The following PCSK1 variants were observed in gnomAD, a reference collection of about 807,000 sequenced individuals.
PCSK1 encodes neuroendocrine convertase 1.
A neutral mutation model predicts 90.6 loss-of-function variants in PCSK1; 56 were observed. The observed-to-expected ratio is 0.62, with a 90% CI of 0.50 to 0.77. The LOEUF (loss-of-function observed/expected upper bound fraction) is 0.77, where lower values mean the gene tolerates loss of function less well. Ranked by LOEUF, PCSK1 falls within the 30% of genes least tolerant of loss-of-function variation. The pLI, the probability that PCSK1 is intolerant of heterozygous loss-of-function variation, is 0.00. For synonymous variants in PCSK1, 348 were observed against 342.4 expected (o/e 1.02, Z -0.18); for missense variants, 801 against 932.6 (o/e 0.86, Z 1.84).
At chr5:96,395,293 C>A (rs572940837) in intron 12 of PCSK1, among the ~76,000 whole-genome samples, 1 of 152,288 alleles carries the variant, frequency 6.6e-6, no homozygotes, top group East Asian at 1.9e-4. Context: ...TGGATGTGTT[C>A]TTGGAAAGCT....
chr5:96,415,980 G>A (rs551461193), intron 6 of PCSK1, 53 bp downstream of exon 6: 38 of 1,089,626 alleles, frequency 3.5e-5, no homozygotes, highest in Non-Finnish European at 5.1e-5. Flanking sequence ...TACAATGGGT[G>A]ATGTAAGCTT....
rs1424960207 is a variant in PCSK1 at position 96,391,851 on chromosome 5, A to T, written c.*1150T>A. The T allele has an allele frequency of 6.6e-6, 1 of 152,172 alleles. No individual in the cohort carries two copies. The highest frequency in any genetic ancestry group is 1.5e-5 in the Non-Finnish European group (1 of 68,042). The allele number at this position is 152,172 out of a possible 1,614,324, so 9.4% of individuals were successfully genotyped here. A position where few individuals can be genotyped will look rare whatever the true frequency, so the allele number is the denominator to read the frequency against. ...ACATTCTGCATACCAAACAAAATCT[A>T]CCTGAGGGACAATTAAGGTCCATGG... On this transcript the variant is annotated 3_prime_UTR_variant, in exon 14 of 14. Transcript: ENST00000311106.
chr5:96,414,334 C>T (rs576387562), intron 6 of PCSK1, among the ~76,000 whole-genome samples: 1 of 152,208 alleles, frequency 6.6e-6, no homozygotes, highest in African/African-American at 2.4e-5. Context: ...ACCTTACAAC[C>T]ACCATTTGAG....
At chr5:96,424,443 T>C (rs1453729489) in intron 3 of PCSK1, among the ~76,000 whole-genome samples, 1 of 152,232 alleles carries the variant, frequency 6.6e-6, no homozygotes, top group Admixed American at 6.5e-5. Context: ...TCGTGAATTA[T>C]AGTCCCACCA....
At chr5:96,430,337 A>G (rs1361958822) in intron 1 of PCSK1, among the ~76,000 whole-genome samples, 2 of 152,238 alleles carry the variant, frequency 1.3e-5, no homozygotes, top group African/African-American at 4.8e-5. Flanking sequence ...CAAACAGTTG[A>G]CAACAGTATA....
rs1442663196 is a variant in PCSK1, at chr5:96,391,703, A to C, written c.*1298T>G. On this transcript the variant is annotated 3_prime_UTR_variant, in exon 14 of 14. Transcript: ENST00000311106. ...ATGGAGCAGGGTGCCATGGGGACTG[A>C]GAGTCATCTAATCAGGCAGCTGCTA... is the stretch of plus-strand genomic sequence containing the variant. 6.6e-6 allele frequency: 1 copy of C among 152,244 alleles called. No individual in the cohort carries two copies. Among genetic ancestry groups the C allele is most frequent in the Non-Finnish European group, 1.5e-5 (1 of 68,046 alleles). 9.4% of individuals were successfully genotyped at this position (152,244 alleles called of 1,614,324 possible). A position where few individuals can be genotyped will look rare whatever the true frequency, so the allele number is the denominator to read the frequency against.
Position 96,392,882 on chromosome 5 carries a change from T to C in PCSK1, c.*119A>G. 9.9e-7 allele frequency: 1 copy of C among 1,012,546 alleles called. No individual in the cohort carries two copies. 62.7% of individuals were successfully genotyped at this position (1,012,546 alleles called of 1,614,324 possible). A position where few individuals can be genotyped will look rare whatever the true frequency, so the allele number is the denominator to read the frequency against. On this transcript the variant is annotated 3_prime_UTR_variant, in exon 14 of 14. Coordinates refer to ENST00000311106, the MANE Select transcript of PCSK1 (RefSeq NM_000439.5). Reference sequence around the variant, plus strand: ...ACAGTTTAGGGAGAAAAAGAAAAGGTGCCACAAAGGATATTATAAGCATAA... The same window carrying C: ...ACAGTTTAGGGAGAAAAAGAAAAGGCGCCACAAAGGATATTATAAGCATAA...
At chr5:96,423,506 G>T (rs78046389) in intron 3 of PCSK1, 47 bp from the exon 4 acceptor site, 2 of 1,582,468 alleles carry the variant, frequency 1.3e-6, no homozygotes, top group South Asian at 1.1e-5. Flanking sequence ...TCATTTGCTT[G>T]CTACAAAATG....
intron 8 of PCSK1, among the ~76,000 whole-genome samples, 161 bp downstream of exon 8, chr5:96,410,613 C>A (rs1760722027): frequency 6.6e-6 from 1 of 152,100 alleles, no homozygotes; most frequent in Non-Finnish European, 1.5e-5. Context: ...AGAAAACTTT[C>A]TGATGGATGC....
intron 3 of PCSK1, among the ~76,000 whole-genome samples, chr5:96,424,016 C>G (rs532340971): frequency 6.6e-6 from 1 of 152,292 alleles, no homozygotes; most frequent in South Asian, 2.1e-4. Flanking sequence ...GGGTAAGTGT[C>G]TGTGAGAGGA....
At chr5:96,418,907 G>C (rs1019558068) in intron 5 of PCSK1, among the ~76,000 whole-genome samples, 1 of 152,022 alleles carries the variant, frequency 6.6e-6, no homozygotes. Context: ...TATTATTCTT[G>C]TCATGTTGAT....
intron 9 of PCSK1, 76 bp from the exon 10 acceptor site, chr5:96,400,262 C>A (rs1760308892): frequency 6.3e-6 from 6 of 950,116 alleles, no homozygotes; most frequent in Non-Finnish European, 1.0e-5. Flanking sequence ...TAACAATAAG[C>A]ATCTCCATTC....
chr5:96,404,191 G>T (rs532093453), intron 9 of PCSK1, among the ~76,000 whole-genome samples: 1 of 152,298 alleles, frequency 6.6e-6, no homozygotes, highest in East Asian at 1.9e-4. Context: ...AGGTGGATGA[G>T]GTTGTAGGAA....
intron 3 of PCSK1, among the ~76,000 whole-genome samples, chr5:96,423,721 T>C (rs1467312977): frequency 1.3e-5 from 2 of 152,206 alleles, no homozygotes; most frequent in African/African-American, 4.8e-5. Context: ...TTGAACTACA[T>C]GGCTTTGAAG....
At chr5:96,430,266 C>T (rs1373503236) in intron 1 of PCSK1, among the ~76,000 whole-genome samples, 5 of 152,184 alleles carry the variant, frequency 3.3e-5, no homozygotes, top group African/African-American at 7.2e-5. Flanking sequence ...TCCCTTTACT[C>T]AGTACTAAAT....
intron 2 of PCSK1, among the ~76,000 whole-genome samples, chr5:96,428,104 ATTCCCATTCCC>A (rs1761375468): frequency 6.6e-6 from 1 of 152,198 alleles, no homozygotes; most frequent in African/African-American, 2.4e-5. Flanking sequence ...GACCCAGGCC[ATTCCCATTCCC>A]TACCCTCATA....
rs1379916699 is a variant in PCSK1 at position 96,432,089 on chromosome 5, G to C, written c.180+774C>G. 3.9e-6 allele frequency: 6 copies of C among 1,533,306 alleles called. No individual in the cohort carries two copies. In the East Asian group the frequency reaches 1.5e-4, roughly 37 times the overall value. 95.0% of individuals were successfully genotyped at this position (1,533,306 alleles called of 1,614,324 possible). Reference sequence around the variant, plus strand: ...CGGGAAAACGATTACGTACTTGGCTGAAGAACAAGAAAGAAATAGATCCCT... The same window carrying C: ...CGGGAAAACGATTACGTACTTGGCTCAAGAACAAGAAAGAAATAGATCCCT... On this transcript the variant is annotated intron_variant, in intron 1 of 13. Transcript: ENST00000311106.
intron 10 of PCSK1, among the ~76,000 whole-genome samples, chr5:96,399,511 A>G (rs1424383932): frequency 2.0e-5 from 3 of 152,202 alleles, no homozygotes; most frequent in African/African-American, 7.2e-5. Context: ...TCCCTCATGG[A>G]AGAAAAGCCA....
In PCSK1 at chr5:96,410,771, T is replaced by A; in HGVS notation, c.1095+3A>T. ...CAGAGAGAATTAGACAAAAGCAACA[T>A]ACGATTCTCTGGTCGGTGTAATCTC... On this transcript the variant is annotated splice_donor_region_variant and intron_variant, in intron 8 of 13. Transcript: ENST00000311106. 4 of 1,611,238 alleles carry A rather than the reference T, an allele frequency of 2.5e-6. No homozygotes were observed. The highest frequency in any genetic ancestry group is 3.4e-6 in the Non-Finnish European group (4 of 1,177,368).
Sources: allele counts gnomAD v4.1 joint callset (sites outside exome capture counted in the v4.1 genomes callset), GRCh38; gene constraint gnomAD v4.1.1; transcripts MANE v1.5; gene names NCBI Gene and HGNC (gene_info 2026-07-23, HGNC 2026-07-21).